Variants in DCAF8L2 observed in about 807,000 individuals in gnomAD.
DCAF8L2 encodes the protein DDB1 and CUL4 associated factor 8 like 2.
For missense variants in DCAF8L2, 430 were observed against 490.7 expected, an observed-to-expected ratio of 0.88 and a Z score of 1.17; for synonymous variants, 200 against 190.9, an observed-to-expected ratio of 1.05 and a Z score of -0.39.
At chrX:27,533,629 C>T in the DCAF8L2 span, among the ~76,000 whole-genome samples, 1 of 111,178 alleles carries the variant, frequency 9.0e-6, no homozygotes, top group African/African-American at 3.3e-5. Flanking sequence ...AGTGATATAT[C>T]ATATCTGGTG....
At chrX:27,604,991 T>C (rs1041520668) in intron 1 of DCAF8L2, among the ~76,000 whole-genome samples, 1 of 112,046 alleles carries the variant, frequency 8.9e-6, no homozygotes, top group Admixed American at 9.5e-5. Context: ...GGGTATTTTA[T>C]TTGTGAAATA....
Position 27,627,630 on chromosome X carries a change from T to G in DCAF8L2, c.-341-4249T>G, listed in dbSNP as rs779428362. ...CATAATATGGGCCGGGCACAGTGTCTCATGCCTGTAATCTCAGCACTTTGG... is the reference window on the plus strand; with the variant it reads ...CATAATATGGGCCGGGCACAGTGTCGCATGCCTGTAATCTCAGCACTTTGG... On this transcript the variant is annotated intron_variant, in intron 1 of 4. Coordinates refer to ENST00000451261, the MANE Select transcript of DCAF8L2 (RefSeq NM_001353450.2). Among the ~76,000 whole-genome samples, 121 of 106,907 alleles carry G rather than the reference T, an allele frequency of 1.1e-3. No individual in the cohort carries two copies. The Admixed American group carries it at 0.012, about 11-fold the overall frequency. 92.8% of individuals were successfully genotyped at this position (106,907 alleles called of 115,157 possible). A position where few individuals can be genotyped will look rare whatever the true frequency, so the allele number is the denominator to read the frequency against.
chrX:27,484,867 A>G, the DCAF8L2 span, among the ~76,000 whole-genome samples: 13 of 111,654 alleles, frequency 1.2e-4, no homozygotes, highest in African/African-American at 4.2e-4. Context: ...ATGATTAGAA[A>G]GGTATGAATG....
chrX:27,571,641 G>C, the DCAF8L2 span, among the ~76,000 whole-genome samples: 1 of 111,847 alleles, frequency 8.9e-6, no homozygotes, highest in Non-Finnish European at 1.9e-5. Flanking sequence ...GGGCTGGTCT[G>C]TGACTGCTTT....
At chrX:27,575,334 G>A in the DCAF8L2 span, among the ~76,000 whole-genome samples, 5 of 111,603 alleles carry the variant, frequency 4.5e-5, no homozygotes, top group Admixed American at 9.5e-5. Flanking sequence ...CTAGGGTCTC[G>A]GGTTTTTACA....
chrX:27,615,927 T>C (rs866673207), intron 1 of DCAF8L2, among the ~76,000 whole-genome samples: 3 of 111,250 alleles, frequency 2.7e-5, no homozygotes, highest in Non-Finnish European at 5.7e-5. Context: ...TTTTTTAATA[T>C]TTTTATTTAA....
At chrX:27,729,052 T>G (rs1921035462) in intron 4 of DCAF8L2, among the ~76,000 whole-genome samples, 1 of 111,630 alleles carries the variant, frequency 9.0e-6, no homozygotes, top group Non-Finnish European at 1.9e-5. Context: ...AGAAAATGTT[T>G]GAAATAACCA....
chrX:27,670,030 A>G (rs1264239988), intron 2 of DCAF8L2, among the ~76,000 whole-genome samples: 2 of 111,366 alleles, frequency 1.8e-5, no homozygotes, highest in Non-Finnish European at 3.8e-5. Flanking sequence ...CTAGTTCTAT[A>G]ACCTACCCAA....
the DCAF8L2 span, among the ~76,000 whole-genome samples, chrX:27,568,906 C>A: frequency 1.3e-4 from 13 of 101,653 alleles, no homozygotes; most frequent in African/African-American, 4.4e-4. Context: ...CCACCTAATT[C>A]TTTCTTCTTT....
chrX:27,472,751 C>G, the DCAF8L2 span, among the ~76,000 whole-genome samples: 5 of 111,842 alleles, frequency 4.5e-5, no homozygotes, highest in Admixed American at 3.8e-4. Context: ...TATAGTATTC[C>G]ATTATGTATA....
chrX:27,609,880 A>C (rs1299482464), intron 1 of DCAF8L2, among the ~76,000 whole-genome samples: 1 of 111,412 alleles, frequency 9.0e-6, no homozygotes, highest in Non-Finnish European at 1.9e-5. Context: ...CACCATTTCA[A>C]TTCTGCCTCT....
At chrX:27,587,985 A>AAAAAAAAAAATATATATAT, upstream of DCAF8L2, among the ~76,000 whole-genome samples, 20 of 22,350 alleles carry the variant, frequency 8.9e-4, no homozygotes, top group African/African-American at 1.9e-3. Flanking sequence ...TAAAAAAAAA[A>AAAAAAAAAAATATATATAT]ATATATATAT....
At chrX:27,687,088 G>A (rs1159543808) in intron 3 of DCAF8L2, among the ~76,000 whole-genome samples, 1 of 111,805 alleles carries the variant, frequency 8.9e-6, no homozygotes, top group African/African-American at 3.3e-5. Flanking sequence ...CCCAGAGATT[G>A]AGGACTCCTG....
intron 2 of DCAF8L2, among the ~76,000 whole-genome samples, chrX:27,672,998 C>T (rs1371709192): frequency 1.8e-5 from 2 of 110,816 alleles, no homozygotes; most frequent in Non-Finnish European, 3.8e-5. Flanking sequence ...CTATCAGAGT[C>T]CCCACAAGCC....
chrX:27,561,027 G>T, the DCAF8L2 span, among the ~76,000 whole-genome samples: 1 of 112,141 alleles, frequency 8.9e-6, no homozygotes, highest in African/African-American at 3.2e-5. Context: ...AAATAATTGG[G>T]TGGGAATAGT....
intron 2 of DCAF8L2, among the ~76,000 whole-genome samples, chrX:27,634,369 A>G (rs372295906): frequency 9.0e-6 from 1 of 111,628 alleles, no homozygotes; most frequent in African/African-American, 3.3e-5. Context: ...GATTCAGTTC[A>G]TATGTTACCT....
At chrX:27,507,689 A>G in the DCAF8L2 span, among the ~76,000 whole-genome samples, 2 of 111,690 alleles carry the variant, frequency 1.8e-5, no homozygotes, top group Non-Finnish European at 3.8e-5. Context: ...AACAGTAATT[A>G]CAGAGTTGTT....
intron 3 of DCAF8L2, among the ~76,000 whole-genome samples, chrX:27,707,096 A>G: frequency 9.0e-6 from 1 of 111,295 alleles, no homozygotes; most frequent in East Asian, 2.8e-4. Flanking sequence ...GTAGAGCCAG[A>G]AAGTGGTTGC....
At chrX:27,497,553 T>TTCCTTCC in the DCAF8L2 span, among the ~76,000 whole-genome samples, 5 of 32,615 alleles carry the variant, frequency 1.5e-4, no homozygotes, top group African/African-American at 4.9e-4. Flanking sequence ...TCCTTCCTTC[T>TTCCTTCC]TTCTTTCTTT....
Sources: gnomAD v4.1 joint callset for allele counts (sites outside exome capture counted in the v4.1 genomes callset) on GRCh38, gnomAD v4.1.1 for gene constraint, MANE v1.5 for transcripts, NCBI Gene and HGNC (gene_info 2026-07-23, HGNC 2026-07-21) for gene names.